The following FHIT variants were observed in gnomAD, a reference collection of about 807,000 sequenced individuals.
FHIT encodes the protein fragile histidine triad diadenosine triphosphatase.
Under a neutral mutation model 17.9 loss-of-function variants are expected in FHIT, and 19 were observed. The observed-to-expected ratio is 1.06, with a 90% CI of 0.74 to 1.56. The LOEUF is 1.56. Ranked by LOEUF, FHIT falls within the 40% of genes most tolerant of loss-of-function variation. FHIT has a pLI of 0.00. For missense variants in FHIT, 248 were observed against 189.2 expected (o/e 1.31, Z -1.82); for synonymous variants, 81 against 69.7 (o/e 1.16, Z -0.81).
At chr3:60,115,093 C>G (rs1483539517) in intron 5 of FHIT, among the ~76,000 whole-genome samples, 1 of 152,014 alleles carries the variant, frequency 6.6e-6, no homozygotes, top group African/African-American at 2.4e-5. Context: ...ATATTATACA[C>G]AGAAGAAACT....
intron 5 of FHIT, among the ~76,000 whole-genome samples, chr3:60,202,439 C>G (rs915139371): frequency 6.6e-6 from 1 of 152,180 alleles, no homozygotes; most frequent in African/African-American, 2.4e-5. Context: ...AAAGGGGGTA[C>G]TGCTGCCCAA....
intron 3 of FHIT, among the ~76,000 whole-genome samples, chr3:60,943,540 T>C (rs898864153): frequency 6.6e-6 from 1 of 152,200 alleles, no homozygotes; most frequent in Non-Finnish European, 1.5e-5. Context: ...AAAGAGAGTA[T>C]AGCTGTTCTC....
chr3:59,955,687 T>C (rs893450277), intron 7 of FHIT, among the ~76,000 whole-genome samples: 7 of 152,212 alleles, frequency 4.6e-5, no homozygotes, highest in Non-Finnish European at 8.8e-5. Context: ...ATGGTATTGA[T>C]ACTCAACCAT....
chr3:61,192,598 C>G (rs2038747824), intron 2 of FHIT, among the ~76,000 whole-genome samples: 2 of 152,170 alleles, frequency 1.3e-5, no homozygotes, highest in Non-Finnish European at 2.9e-5. Flanking sequence ...TTCAAGTTGA[C>G]TTTTTGATTA....
At chr3:60,826,203 AAG>A (rs1702115781) in intron 3 of FHIT, among the ~76,000 whole-genome samples, 1 of 143,316 alleles carries the variant, frequency 7.0e-6, no homozygotes, top group Admixed American at 6.9e-5. Context: ...GGAAGGAAGG[AAG>A]GAAGGAAAGA....
At chr3:60,791,179 C>T (rs574575695) in intron 4 of FHIT, among the ~76,000 whole-genome samples, 2 of 152,032 alleles carry the variant, frequency 1.3e-5, no homozygotes, top group East Asian at 3.9e-4. Context: ...TATCTTTCAC[C>T]CCTGTTTCAA....
intron 4 of FHIT, among the ~76,000 whole-genome samples, chr3:60,790,182 T>C (rs888170531): frequency 6.6e-6 from 1 of 152,202 alleles, no homozygotes; most frequent in South Asian, 2.1e-4. Context: ...TTTGTATTCA[T>C]TGTCAGTGTT....
intron 5 of FHIT, among the ~76,000 whole-genome samples, chr3:60,137,540 T>C (rs1399982650): frequency 1.3e-5 from 2 of 152,198 alleles, no homozygotes; most frequent in African/African-American, 2.4e-5. Flanking sequence ...AGCAATCATG[T>C]GACTATGTGA....
At chr3:60,626,373 TTAGA>T (rs1315243400) in intron 4 of FHIT, among the ~76,000 whole-genome samples, 2 of 152,242 alleles carry the variant, frequency 1.3e-5, no homozygotes, top group Non-Finnish European at 2.9e-5. Context: ...TGCCTTGTAT[TTAGA>T]TATTCTTCAA....
intron 4 of FHIT, among the ~76,000 whole-genome samples, chr3:60,602,646 A>C (rs2038482543): frequency 1.3e-5 from 2 of 152,290 alleles, no homozygotes; most frequent in South Asian, 4.1e-4. Context: ...AGGACTAAAC[A>C]AATGGGAGAA....
chr3:61,184,819 CT>C (rs2038455273), intron 2 of FHIT, among the ~76,000 whole-genome samples: 1 of 152,198 alleles, frequency 6.6e-6, no homozygotes, highest in South Asian at 2.1e-4. Flanking sequence ...TCAGAATCCA[CT>C]CTAATGAACA....
At chr3:60,048,280 T>A (rs1339173815) in intron 5 of FHIT, among the ~76,000 whole-genome samples, 3 of 152,136 alleles carry the variant, frequency 2.0e-5, no homozygotes, top group African/African-American at 7.2e-5. Flanking sequence ...GGGTTCAAGC[T>A]ATTCTCCTGC....
chr3:60,699,529 C>T (rs1164722166), intron 4 of FHIT, among the ~76,000 whole-genome samples: 2 of 151,954 alleles, frequency 1.3e-5, no homozygotes, highest in East Asian at 1.9e-4. Context: ...TATTCAGATA[C>T]GTTTCAAATG....
intron 5 of FHIT, among the ~76,000 whole-genome samples, chr3:60,144,409 T>G (rs1323007172): frequency 6.6e-6 from 1 of 152,180 alleles, no homozygotes; most frequent in Non-Finnish European, 1.5e-5. Flanking sequence ...CAACCAACTT[T>G]GCCTTTTGCT....
chr3:60,083,632 G>C (rs1488185017), intron 5 of FHIT, among the ~76,000 whole-genome samples: 1 of 152,270 alleles, frequency 6.6e-6, no homozygotes, highest in East Asian at 1.9e-4. Flanking sequence ...AGAAGACAGA[G>C]ATAGACTGGT....
chr3:60,927,060 G>C (rs996503057), intron 3 of FHIT, among the ~76,000 whole-genome samples: 1 of 152,134 alleles, frequency 6.6e-6, no homozygotes, highest in Non-Finnish European at 1.5e-5. Context: ...GCCGAGGCTG[G>C]ACTGTACTGC....
chr3:60,881,105 T>A (rs1553757868), intron 3 of FHIT, among the ~76,000 whole-genome samples: 3 of 152,188 alleles, frequency 2.0e-5, no homozygotes, highest in Non-Finnish European at 1.5e-5. Context: ...TAGAAAAAGA[T>A]ACTCCATGCA....
At chr3:60,346,924 G>C (rs968501854) in intron 5 of FHIT, among the ~76,000 whole-genome samples, 1 of 152,102 alleles carries the variant, frequency 6.6e-6, no homozygotes, top group Non-Finnish European at 1.5e-5. Context: ...TTACCTTAAA[G>C]ATTTTTTCCT....
intron 5 of FHIT, among the ~76,000 whole-genome samples, chr3:60,319,287 A>G (rs987148618): frequency 6.6e-6 from 1 of 151,906 alleles, no homozygotes; most frequent in African/African-American, 2.4e-5. Flanking sequence ...CTCACCCATC[A>G]CCCTCACTCT....
Sources: allele counts gnomAD v4.1 joint callset (sites outside exome capture counted in the v4.1 genomes callset), GRCh38; gene constraint gnomAD v4.1.1; transcripts MANE v1.5; gene names NCBI Gene and HGNC (gene_info 2026-07-23, HGNC 2026-07-21).